The following OR9A4 variants were observed in gnomAD, a reference collection of about 807,000 sequenced individuals.
OR9A4 encodes olfactory receptor family 9 subfamily A member 4, also known as olfactory receptor 9A4.
OR9A4 carries 16 observed loss-of-function variants against 17.1 expected under a neutral mutation model. The ratio of observed to expected loss-of-function variants is 0.94; its 90% confidence interval spans 0.64 to 1.43. The LOEUF is 1.43. Among genes scored for constraint, OR9A4 ranks in the 40% most tolerant of loss-of-function variants. OR9A4 has a pLI of 0.00. For missense variants in OR9A4, 392 were observed against 382.1 expected, an observed-to-expected ratio of 1.03 and a Z score of -0.22; for synonymous variants, 167 against 143.3, an observed-to-expected ratio of 1.17 and a Z score of -1.18.
At position 141,919,109 on chromosome 7, in the gene OR9A4, C is replaced by T. The variant is rs1038085426; in HGVS notation, c.234C>T (p.Pro78=). The T allele has an allele frequency of 1.1e-5, 18 of 1,614,002 alleles. No individual in the cohort carries two copies. The highest frequency in any genetic ancestry group is 1.5e-5 in the Non-Finnish European group (18 of 1,180,020). The change falls in exon 2 of 2, where the codon CCC becomes CCT. Residue 78 remains proline, a synonymous_variant. Coordinates refer to ENST00000641559, the MANE Select transcript of OR9A4 (RefSeq NM_001001656.3). ...LEILVTTIIV[P]VMLWGLLLPG... ...TCCTGGTCACAACCATAATCGTCCC[C>T]GTGATGCTTTGGGGATTGCTGCTCC...
Position 141,918,000 on chromosome 7 carries a change from G to A in OR9A4, c.-30-846G>A, listed in dbSNP as rs143171122. Among the ~76,000 whole-genome samples the A allele has an allele frequency of 4.7e-3, 709 of 152,280 alleles. 3 individuals carry two copies. The highest frequency in any genetic ancestry group is 7.8e-3 in the Non-Finnish European group (529 of 68,024). ...ATGTCCTGGATAGACCTCACTTCCC[G>A]ACATCACCCCCCAAAATGGTAAATA... is the stretch of plus-strand genomic sequence containing the variant. On this transcript the variant is annotated intron_variant, in intron 1 of 1. Transcript: ENST00000641559.
At position 141,919,061 on chromosome 7, in the gene OR9A4, C is replaced by T. The variant is rs202022775; in HGVS notation, c.186C>T (p.Leu62=). Residue 62 remains leucine (L), a synonymous_variant, in exon 2 of 2, where the codon CTC becomes CTT. Coordinates refer to ENST00000641559, the MANE Select transcript of OR9A4 (RefSeq NM_001001656.3). ...KRLQSPMYFF[L]GHLSALEILV... is the part of the protein sequence containing the mutation. ...TGCAGTCCCCCATGTATTTCTTCCT[C>T]GGCCACCTCTCTGCCCTGGAGATCC... 8.9e-4 allele frequency: 1,435 copies of T among 1,614,132 alleles called. 2 individuals are homozygous for T. Among genetic ancestry groups the T allele is most frequent in the Non-Finnish European group, 1.1e-3 (1,299 of 1,180,038 alleles).
In OR9A4 at chr7:141,919,341, C is replaced by A. The variant is rs782594459; in HGVS notation, c.466C>A (p.Gln156Lys). Residue 156 changes from glutamine (Q) to lysine (K), a missense_variant, in exon 2 of 2, where the codon CAA becomes AAA. Physicochemically the swap from Gln to Lys is moderately conservative, Grantham distance 53. Transcript: ENST00000641559. ...LVSWVFGFLF[Q>K]IWPVYVMFQL... ...GTCATGGGTGTTTGGGTTTCTTTTT[C>A]AAATCTGGCCGGTCTATGTCATGTT... 84 of 1,613,970 alleles carry A rather than the reference C, an allele frequency of 5.2e-5. No homozygotes were observed. In the South Asian group the frequency reaches 9.1e-4, roughly 18 times the overall value.
At chr7:141,918,322 G>T (rs1443548049) in intron 1 of OR9A4, among the ~76,000 whole-genome samples, 1 of 152,166 alleles carries the variant, frequency 6.6e-6, no homozygotes, top group Non-Finnish European at 1.5e-5. Flanking sequence ...GGTCAAGCTG[G>T]TCTCAAACTC....
In OR9A4 at chr7:141,920,451, T is replaced by C. The variant is rs1802262833; in HGVS notation, c.*631T>C. 1 of 152,220 alleles carries C rather than the reference T, an allele frequency of 6.6e-6. No homozygotes were observed. The highest frequency in any genetic ancestry group is 1.5e-5 in the Non-Finnish European group (1 of 68,006). 9.4% of individuals were successfully genotyped at this position (152,220 alleles called of 1,614,324 possible). A position where few individuals can be genotyped will look rare whatever the true frequency, so the allele number is the denominator to read the frequency against. ...GGAAGGATTGAGAGAGGTAAGGTGGTGATACATTCGGAAACTTGTTAAAGA... is the reference window on the plus strand; with the variant it reads ...GGAAGGATTGAGAGAGGTAAGGTGGCGATACATTCGGAAACTTGTTAAAGA... On this transcript the variant is annotated 3_prime_UTR_variant, in exon 2 of 2. Transcript: ENST00000641559.
Position 141,918,891 on chromosome 7 carries a change from T to A in OR9A4, c.16T>A (p.Ser6Thr), listed in dbSNP as rs1554438997. The A allele has an allele frequency of 1.2e-6, 2 of 1,608,820 alleles. No homozygotes were observed. The highest frequency in any genetic ancestry group is 1.7e-6 in the Non-Finnish European group (2 of 1,177,066). Residue 6 changes from serine to threonine, a missense_variant, in exon 2 of 2, where the codon TCT becomes ACT. By Grantham distance (58) the Ser-to-Thr change is moderately conservative (BLOSUM62 1). Transcript: ENST00000641559. ...TTAGAACTAAATGTTGATGAATTAC[T>A]CTAGTGCCACTGAATTTTATCTCCT... The part of the protein sequence containing the change: MLMNY[S>T]SATEFYLLGF...
rs782131123 is a variant in OR9A4 at position 141,919,499 on chromosome 7, TG to T, written c.626del (p.Gly209ValfsTer3). ...TCTTAATGGCTGTTTTTGTTCTCTTTGGTTCTTTGATCCCTACAATTGTCTC... is the reference window on the plus strand; with the variant it reads ...TCTTAATGGCTGTTTTTGTTCTCTTTGTTCTTTGATCCCTACAATTGTCTC... ...LFLMAVFVLF[G>X]SLIPTIVSNA... On this transcript the variant is annotated frameshift_variant, in exon 2 of 2. Transcript: ENST00000641559. LOFTEE classifies it high-confidence loss of function. 6.2e-7 allele frequency: 1 copy of T among 1,614,220 alleles called. No individual in the cohort carries two copies. The highest frequency in any genetic ancestry group is 8.5e-7 in the Non-Finnish European group (1 of 1,180,040).
Position 141,919,460 on chromosome 7 carries a change from G to T in OR9A4, c.585G>T (p.Thr195=), listed in dbSNP as rs1554439102. 2 of 1,614,006 alleles carry T rather than the reference G, an allele frequency of 1.2e-6. No individual in the cohort carries two copies. The highest frequency in any genetic ancestry group is 1.6e-4 in the Middle Eastern group (1 of 6,062). The change falls in exon 2 of 2, where the codon ACG becomes ACT. Residue 195 remains threonine (T), a synonymous_variant. Coordinates refer to ENST00000641559, the MANE Select transcript of OR9A4 (RefSeq NM_001001656.3). The part of the protein sequence containing the change: ...LKLSCNNTLF[T]EFILFLMAVF... ...TATCCTGCAATAATACTCTTTTCACGGAGTTTATCCTCTTCTTAATGGCTG... is the reference window on the plus strand; with the variant it reads ...TATCCTGCAATAATACTCTTTTCACTGAGTTTATCCTCTTCTTAATGGCTG...
At position 141,919,830 on chromosome 7, in the gene OR9A4, G is replaced by A. The variant is rs1802253732; in HGVS notation, c.*10G>A. 1 of 1,588,892 alleles carries A rather than the reference G, an allele frequency of 6.3e-7. No homozygotes were observed. The highest frequency in any genetic ancestry group is 1.4e-5 in the African/African-American group (1 of 73,914). On this transcript the variant is annotated 3_prime_UTR_variant, in exon 2 of 2. Transcript: ENST00000641559. ...ACTATTCAGGAATTAGCCTTGCTCT[G>A]AGGACTTTTACATGGTAAAGCACTT... is the stretch of plus-strand genomic sequence containing the variant.
rs371951224 is a variant in OR9A4, at chr7:141,919,759, A to C, written c.884A>C (p.Asp295Ala). 3.2e-5 allele frequency: 51 copies of C among 1,614,074 alleles called. No individual in the cohort carries two copies. Among genetic ancestry groups the C allele is most frequent in the Non-Finnish European group, 4.3e-5 (51 of 1,180,028 alleles). ...CCTTTCATCTTCACCCTCCGGAATG[A>C]TAAAGTCATAGAGGCCCTTCGGGAT... ...LNPFIFTLRNDKVIEALRDGV... is the reference protein window; with the variant it reads ...LNPFIFTLRNAKVIEALRDGV... The change falls in exon 2 of 2, where the codon GAT becomes GCT. Residue 295 changes from aspartate (D) to alanine (A), a missense_variant. Transcript: ENST00000641559.
In OR9A4 at chr7:141,919,032, C is replaced by T. The variant is rs781881875; in HGVS notation, c.157C>T (p.Arg53Cys). The stretch of plus-strand genomic sequence containing the variant: ...CATCATGATTGTCTGTGTGGATAAA[C>T]GTCTGCAGTCCCCCATGTATTTCTT... ...VIIMIVCVDKRLQSPMYFFLG... is the reference protein window; with the variant it reads ...VIIMIVCVDKCLQSPMYFFLG... The change falls in exon 2 of 2, where the codon CGT becomes TGT. Residue 53 changes from arginine to cysteine, a missense_variant. Coordinates refer to ENST00000641559, the MANE Select transcript of OR9A4 (RefSeq NM_001001656.3). 2.9e-5 allele frequency: 46 copies of T among 1,614,030 alleles called. No homozygotes were observed. Among genetic ancestry groups the T allele is most frequent in the Middle Eastern group, 1.6e-4 (1 of 6,082 alleles).
intron 1 of OR9A4, among the ~76,000 whole-genome samples, chr7:141,918,394 C>T (rs781887542): frequency 3.7e-4 from 57 of 152,258 alleles, no homozygotes; most frequent in East Asian, 1.9e-4. Context: ...CGTGAGCCAC[C>T]GCACCCAGCC....
chr7:141,918,892 C>G lies in OR9A4; in HGVS notation c.17C>G (p.Ser6Cys). The change falls in exon 2 of 2, where the codon TCT (serine) becomes TGT (cysteine). Residue 6 changes from serine to cysteine, a missense_variant. Physicochemically the swap from Ser to Cys is moderately radical, Grantham distance 112. Coordinates refer to ENST00000641559, the MANE Select transcript of OR9A4 (RefSeq NM_001001656.3). Reference protein sequence around the residue: MLMNYSSATEFYLLGF... With the variant: MLMNYCSATEFYLLGF... ...TAGAACTAAATGTTGATGAATTACT[C>G]TAGTGCCACTGAATTTTATCTCCTT... 1 of 1,608,722 alleles carries G rather than the reference C, an allele frequency of 6.2e-7. No individual in the cohort carries two copies. Among genetic ancestry groups the G allele is most frequent in the Non-Finnish European group, 8.5e-7 (1 of 1,176,908 alleles).
chr7:141,919,620 G>A lies in OR9A4; in HGVS notation c.745G>A (p.Val249Met). The change falls in exon 2 of 2, where the codon GTG (valine) becomes ATG (methionine). Residue 249 changes from valine to methionine, a missense_variant. Physicochemically the swap from Val to Met is conservative, Grantham distance 21. Coordinates refer to ENST00000641559, the MANE Select transcript of OR9A4 (RefSeq NM_001001656.3). ...STCASHFTCVVIGYGSCLFLY... is the reference protein window; with the variant it reads ...STCASHFTCVMIGYGSCLFLY... ...TTGTGCCTCCCACTTCACCTGTGTT[G>A]TGATTGGCTACGGCAGCTGCTTGTT... 2 of 1,614,130 alleles carry A rather than the reference G, an allele frequency of 1.2e-6. No homozygotes were observed. Among genetic ancestry groups the A allele is most frequent in the Non-Finnish European group, 1.7e-6 (2 of 1,180,034 alleles).
intron 1 of OR9A4, among the ~76,000 whole-genome samples, chr7:141,918,522 C>T (rs1802222649): frequency 6.6e-6 from 1 of 152,112 alleles, no homozygotes; most frequent in Non-Finnish European, 1.5e-5. Context: ...TAAGTGAACA[C>T]ATTGTGATCA....
rs1802188911 is a variant in OR9A4, at chr7:141,916,498, A to G, written c.-169A>G. The G allele has an allele frequency of 6.6e-6, 1 of 152,292 alleles. No individual in the cohort carries two copies. The highest frequency in any genetic ancestry group is 6.5e-5 in the Admixed American group (1 of 15,286). The allele number at this position is 152,292 out of a possible 1,614,324, so 9.4% of individuals were successfully genotyped here. A position where few individuals can be genotyped will look rare whatever the true frequency, so the allele number is the denominator to read the frequency against. On this transcript the variant is annotated 5_prime_UTR_variant, in exon 1 of 2. Coordinates refer to ENST00000641559, the MANE Select transcript of OR9A4 (RefSeq NM_001001656.3). ...TTTGCATAAGCTTCTGTATGAGGACAGTATCCTTCACTCTGAATGGAGACA... is the reference window on the plus strand; with the variant it reads ...TTTGCATAAGCTTCTGTATGAGGACGGTATCCTTCACTCTGAATGGAGACA...
In OR9A4 at chr7:141,919,780, G is replaced by T. The variant is rs963581285; in HGVS notation, c.905G>T (p.Arg302Leu). ...AATGATAAAGTCATAGAGGCCCTTC[G>T]GGATGGGGTGAAACGCTGCTGTCAA... ...LRNDKVIEAL[R>L]DGVKRCCQLF... Residue 302 changes from arginine to leucine, a missense_variant, in exon 2 of 2, where the codon CGG (arginine) becomes CTG (leucine). Arg to Leu is a moderately radical substitution (Grantham distance 102). Coordinates refer to ENST00000641559, the MANE Select transcript of OR9A4 (RefSeq NM_001001656.3). The T allele has an allele frequency of 7.4e-6, 12 of 1,613,896 alleles. No individual in the cohort carries two copies. Among genetic ancestry groups the T allele is most frequent in the East Asian group, 2.2e-5 (1 of 44,872 alleles).
chr7:141,919,247 G>A lies in OR9A4; in HGVS notation c.372G>A (p.Val124=). ...GAGCAATGGCTGTGGACCGTTATGT[G>A]GCTGTCTGTAACCCTCTGAGGTACA... is the stretch of plus-strand genomic sequence containing the variant. The part of the protein sequence containing the change: ...LLGAMAVDRY[V]AVCNPLRYNI... Residue 124 remains valine, a synonymous_variant, in exon 2 of 2, where the codon GTG becomes GTA. Coordinates refer to ENST00000641559, the MANE Select transcript of OR9A4 (RefSeq NM_001001656.3). 1 of 1,614,088 alleles carries A rather than the reference G, an allele frequency of 6.2e-7. No homozygotes were observed. Among genetic ancestry groups the A allele is most frequent in the Non-Finnish European group, 8.5e-7 (1 of 1,179,996 alleles).
Position 141,919,025 on chromosome 7 carries a change from G to A in OR9A4, c.150G>A (p.Val50=), listed in dbSNP as rs1554439022. Residue 50 remains valine (V), a synonymous_variant, in exon 2 of 2, where the codon GTG becomes GTA. Coordinates refer to ENST00000641559, the MANE Select transcript of OR9A4 (RefSeq NM_001001656.3). ...GNTVIIMIVC[V]DKRLQSPMYF... is the part of the protein sequence containing the mutation. The stretch of plus-strand genomic sequence containing the variant: ...CAGTCATCATCATGATTGTCTGTGT[G>A]GATAAACGTCTGCAGTCCCCCATGT... The A allele has an allele frequency of 3.1e-6, 5 of 1,614,018 alleles. No homozygotes were observed. The East Asian group carries it at 8.9e-5, about 29-fold the overall frequency.
Sources: allele counts gnomAD v4.1 joint callset (sites outside exome capture counted in the v4.1 genomes callset), GRCh38; gene constraint gnomAD v4.1.1; transcripts MANE v1.5; gene names NCBI Gene and HGNC (gene_info 2026-07-23, HGNC 2026-07-21).